BCL11B: variants seen among roughly 807,000 people sequenced by gnomAD.
BCL11B encodes BCL11 transcription factor B, also known as B-cell lymphoma/leukemia 11B.
In BCL11B, 8 loss-of-function variants were observed where a neutral mutation model predicts 49.9. The observed-to-expected ratio is 0.16, with a 90% CI of 0.09 to 0.29. The LOEUF is 0.29. BCL11B is among the 10% of genes least tolerant of loss of function. The probability of loss-of-function intolerance (pLI) is 1.00; values close to 1 mark genes in which losing one functional copy is unlikely to be tolerated. For missense variants in BCL11B, 1,006 were observed against 1,351.0 expected (o/e 0.74, Z 4.00); for synonymous variants, 739 against 637.4 (o/e 1.16, Z -2.40).
At chr14:99,244,384 C>T (rs1430954308) in intron 2 of BCL11B, among the ~76,000 whole-genome samples, 4 of 152,020 alleles carry the variant, frequency 2.6e-5, no homozygotes, top group Non-Finnish European at 2.9e-5. Flanking sequence ...GGATGGGGCC[C>T]GTCAAACACA....
rs1227741674 is a variant in BCL11B at position 99,271,466 on chromosome 14, AG to A, written c.-249del. ...TGTTTTGTTTGCAAAAAGAAAAAAA[AG>A]GGAAGAAAAGCAAGAAAAACCTCTC... On this transcript the variant is annotated 5_prime_UTR_variant, in exon 1 of 4. Coordinates refer to ENST00000357195, the MANE Select transcript of BCL11B (RefSeq NM_138576.4). The A allele has an allele frequency of 1.3e-5, 3 of 234,732 alleles. No homozygotes were observed. Among genetic ancestry groups the A allele is most frequent in the African/African-American group, 6.7e-5 (3 of 44,570 alleles). The allele number at this position is 234,732 out of a possible 1,614,324, so 14.5% of individuals were successfully genotyped here.
At chr14:99,197,500 T>C (rs559940566) in intron 3 of BCL11B, among the ~76,000 whole-genome samples, 2 of 152,274 alleles carry the variant, frequency 1.3e-5, no homozygotes, top group Non-Finnish European at 2.9e-5. Flanking sequence ...AAAGAGAATT[T>C]TTTTTTCACA....
rs1335343454 is a variant in BCL11B at position 99,247,471 on chromosome 14, AGTT to A, written c.427+9997_427+9999del. The stretch of plus-strand genomic sequence containing the variant: ...CTCCCGAACAGAGAAGAATTCAGAC[AGTT>A]GTTGTCTCTCTGAGCCCAGGACAGC... On this transcript the variant is annotated intron_variant, in intron 2 of 3. Coordinates refer to ENST00000357195, the MANE Select transcript of BCL11B (RefSeq NM_138576.4). The surrounding 1 kb of genome is among the most constrained non-coding windows in gnomAD (Gnocchi z 4.5). Among the ~76,000 whole-genome samples, 1 of 152,306 alleles carries A rather than the reference AGTT, an allele frequency of 6.6e-6. No homozygotes were observed.
Position 99,248,834 on chromosome 14 carries a change from T to G in BCL11B, c.427+8637A>C, listed in dbSNP as rs897856247. Reference sequence around the variant, plus strand: ...AAACCACTGGTGGCTCCATCTCACATTTCAGCCCAGCAGGCTCAGCCCCAG... The same window carrying G: ...AAACCACTGGTGGCTCCATCTCACAGTTCAGCCCAGCAGGCTCAGCCCCAG... On this transcript the variant is annotated intron_variant, in intron 2 of 3. Transcript: ENST00000357195. The surrounding 1 kb of genome is among the most constrained non-coding windows in gnomAD (Gnocchi z 4.7). 1.3e-5 allele frequency among the ~76,000 whole-genome samples: 2 copies of G among 151,960 alleles called. No individual in the cohort carries two copies. Among genetic ancestry groups the G allele is most frequent in the African/African-American group, 4.8e-5 (2 of 41,358 alleles).
At chr14:99,210,841 T>C (rs1887666759) in intron 3 of BCL11B, among the ~76,000 whole-genome samples, 1 of 152,152 alleles carries the variant, frequency 6.6e-6, no homozygotes, top group African/African-American at 2.4e-5. Flanking sequence ...CACCTCCTCC[T>C]GACTTAGCTG....
chr14:99,200,033 G>C (rs1009670230), intron 3 of BCL11B, among the ~76,000 whole-genome samples: 4 of 150,842 alleles, frequency 2.7e-5, no homozygotes, highest in African/African-American at 9.7e-5. Context: ...TATTTCTTGT[G>C]AAAGAGCTCC....
intron 3 of BCL11B, among the ~76,000 whole-genome samples, chr14:99,190,108 C>T (rs542704049): frequency 2.0e-5 from 3 of 152,356 alleles, no homozygotes; most frequent in South Asian, 4.1e-4. Context: ...ACCTGGCACC[C>T]GACCCTACTG....
chr14:99,233,252 T>G (rs1888388797), intron 2 of BCL11B, among the ~76,000 whole-genome samples: 1 of 152,064 alleles, frequency 6.6e-6, no homozygotes, highest in South Asian at 2.1e-4. Context: ...CCGAGGGCTC[T>G]GGGTCATCCA....
At chr14:99,245,393 G>T (rs1271956898) in intron 2 of BCL11B, among the ~76,000 whole-genome samples, 1 of 152,216 alleles carries the variant, frequency 6.6e-6, no homozygotes, top group Non-Finnish European at 1.5e-5. Context: ...CTTGAGAAAA[G>T]CGGGCTTACT....
intron 3 of BCL11B, among the ~76,000 whole-genome samples, chr14:99,196,281 C>A (rs1887176802): frequency 6.6e-6 from 1 of 152,126 alleles, no homozygotes; most frequent in Admixed American, 6.5e-5. Context: ...GGAAAGGTTC[C>A]AAAGTTCCTC....
intron 2 of BCL11B, among the ~76,000 whole-genome samples, chr14:99,240,971 T>C (rs1888652377): frequency 6.6e-6 from 1 of 152,140 alleles, no homozygotes; most frequent in African/African-American, 2.4e-5. Context: ...ACTATTCCCA[T>C]TAGAAATTGG....
At chr14:99,270,247 G>A (rs79309026) in intron 1 of BCL11B, among the ~76,000 whole-genome samples, 41 of 152,112 alleles carry the variant, frequency 2.7e-4, no homozygotes, top group African/African-American at 9.9e-4. Context: ...ATTTAGATAG[G>A]AAAGATGAAA....
rs551957569 is a variant in BCL11B, at chr14:99,232,940, C to T, written c.428-1383G>A. On this transcript the variant is annotated intron_variant, in intron 2 of 3. Coordinates refer to ENST00000357195, the MANE Select transcript of BCL11B (RefSeq NM_138576.4). This position sits in a 1 kb window ranked among gnomAD's most constrained non-coding sequence, Gnocchi z 5.1. ...TGTCCTGTCAAGAGGTCAAAGCTAACACCAACACTGCTCGGAACCCCCTGA... is the reference window on the plus strand; with the variant it reads ...TGTCCTGTCAAGAGGTCAAAGCTAATACCAACACTGCTCGGAACCCCCTGA... 1.3e-5 allele frequency among the ~76,000 whole-genome samples: 2 copies of T among 152,312 alleles called. No homozygotes were observed. The highest frequency in any genetic ancestry group is 2.9e-5 in the Non-Finnish European group (2 of 68,014).
chr14:99,190,227 G>T (rs1004736275), intron 3 of BCL11B, among the ~76,000 whole-genome samples: 12 of 152,276 alleles, frequency 7.9e-5, no homozygotes, highest in Admixed American at 3.3e-4. Context: ...GGTGGCTCAC[G>T]CCTGTAATCC....
chr14:99,234,118 G>A (rs1457481341), intron 2 of BCL11B, among the ~76,000 whole-genome samples: 1 of 152,092 alleles, frequency 6.6e-6, no homozygotes, highest in Admixed American at 6.5e-5. Flanking sequence ...GCAAATCCAC[G>A]GACACAGAAA....
intron 3 of BCL11B, among the ~76,000 whole-genome samples, chr14:99,177,173 C>G (rs369123982): frequency 6.6e-6 from 1 of 152,044 alleles, no homozygotes; most frequent in Non-Finnish European, 1.5e-5. Flanking sequence ...CCAGGGAAGG[C>G]GGGGGCACAC....
At chr14:99,225,624 C>T (rs566582289) in intron 3 of BCL11B, among the ~76,000 whole-genome samples, 26 of 152,126 alleles carry the variant, frequency 1.7e-4, no homozygotes, top group African/African-American at 6.3e-4. Flanking sequence ...AGCCAAACTC[C>T]TTTTTAAGAC....
At position 99,174,545 on chromosome 14, in the gene BCL11B, A is replaced by G; in HGVS notation, c.2291T>C (p.Leu764Pro). Residue 764 changes from leucine (L) to proline (P), a missense_variant, in exon 4 of 4, where the codon CTC becomes CCC. Around this residue, in one of 6 missense-constraint regions of BCL11B, gnomAD observed 443 missense variants for 499.7 expected, o/e 0.89. Transcript: ENST00000357195. ...GCTGGCCGTGCCGCTGCGGCCCGAG[A>G]GGCCGCCGTCCAGCAGGTCCCCGGG... ...TPPGDLLDGG[L>P]SGRSGTASGG... is the part of the protein sequence containing the mutation. The G allele has an allele frequency of 6.6e-7, 1 of 1,511,344 alleles. No individual in the cohort carries two copies. The highest frequency in any genetic ancestry group is 8.8e-7 in the Non-Finnish European group (1 of 1,132,236). The allele number at this position is 1,511,344 out of a possible 1,614,324, so 93.6% of individuals were successfully genotyped here.
chr14:99,270,548 G>A lies in BCL11B; in HGVS notation c.58+613C>T, dbSNP rs1008914183. ...AGCTGGATTATTTTGCAAATAGCAG[G>A]AGGAGGGGAGAGAAAGGCGGCTGCG... On this transcript the variant is annotated intron_variant, in intron 1 of 3. Transcript: ENST00000357195. Among the ~76,000 whole-genome samples, 5 of 152,146 alleles carry A rather than the reference G, an allele frequency of 3.3e-5. No individual in the cohort carries two copies. The South Asian group carries it at 1.0e-3, about 32-fold the overall frequency.
Sources: allele counts gnomAD v4.1 joint callset (sites outside exome capture counted in the v4.1 genomes callset), GRCh38; gene constraint gnomAD v4.1.1; regional missense constraint gnomAD v4.1.1; non-coding constraint Gnocchi (gnomAD v3.1); transcripts MANE v1.5; gene names NCBI Gene and HGNC (gene_info 2026-07-23, HGNC 2026-07-21).